Variants in DLG2 observed in about 807,000 individuals in gnomAD.
DLG2 encodes disks large homolog 2.
In DLG2, 45 loss-of-function variants were observed where a neutral mutation model predicts 132.5. The ratio of observed to expected loss-of-function variants is 0.34; its 90% CI spans 0.27 to 0.44. The LOEUF (loss-of-function observed/expected upper bound fraction) is 0.44, where lower values mean the gene tolerates loss of function less well. Ranked by LOEUF, DLG2 falls within the 20% of genes least tolerant of loss-of-function variation. The probability of loss-of-function intolerance (pLI) is 1.00; values close to 1 mark genes in which losing one functional copy is unlikely to be tolerated. For missense variants in DLG2, 1,045 were observed against 1,196.9 expected (o/e 0.87, Z 1.87); for synonymous variants, 424 against 419.6 (o/e 1.01, Z -0.13).
At chr11:83,949,753 G>T (rs12288383) in intron 14 of DLG2, among the ~76,000 whole-genome samples, 15,338 of 152,004 alleles carry the variant, frequency 0.1, 852 homozygotes, top group Non-Finnish European at 0.12. Flanking sequence ...TTTCCCCCTT[G>T]ACATGTGCCT....
chr11:83,617,706 A>G (rs1030178519), intron 19 of DLG2, among the ~76,000 whole-genome samples: 1 of 152,098 alleles, frequency 6.6e-6, no homozygotes, highest in African/African-American at 2.4e-5. Flanking sequence ...AGCTTCCAAA[A>G]TTTCATTACT....
At chr11:83,994,472 G>C (rs1545864) in intron 11 of DLG2, among the ~76,000 whole-genome samples, 98,540 of 151,944 alleles carry the variant, frequency 0.65, 35,245 homozygotes, top group Non-Finnish European at 0.81. Flanking sequence ...GAGGTGAAGG[G>C]ATTCCCCCAA....
chr11:85,076,572 G>C (rs543751876), intron 6 of DLG2, among the ~76,000 whole-genome samples: 1 of 151,900 alleles, frequency 6.6e-6, no homozygotes, highest in African/African-American at 2.4e-5. Context: ...CTGCCTTGAA[G>C]CATCAGCTTC....
chr11:85,236,331 A>T (rs146834040), intron 4 of DLG2, among the ~76,000 whole-genome samples: 63 of 152,136 alleles, frequency 4.1e-4, no homozygotes, highest in African/African-American at 1.5e-3. Context: ...ATTCTCTCAC[A>T]GTTCTGGAAG....
intron 6 of DLG2, among the ~76,000 whole-genome samples, chr11:85,058,559 A>G (rs2063701270): frequency 1.3e-5 from 2 of 151,552 alleles, no homozygotes; most frequent in African/African-American, 4.8e-5. Flanking sequence ...GTATATGGAA[A>G]TGCAAATATA....
intron 19 of DLG2, among the ~76,000 whole-genome samples, chr11:83,556,444 C>T (rs930182935): frequency 8.6e-5 from 13 of 151,342 alleles, no homozygotes; most frequent in Admixed American, 3.3e-4. Flanking sequence ...GCGATCGTGA[C>T]TCACTGCAAC....
intron 7 of DLG2, among the ~76,000 whole-genome samples, chr11:84,504,774 C>T (rs979753758): frequency 2.0e-5 from 3 of 152,022 alleles, no homozygotes; most frequent in African/African-American, 7.2e-5. Context: ...GACAGTTTGA[C>T]CTTTAGCTGA....
intron 6 of DLG2, among the ~76,000 whole-genome samples, chr11:84,952,311 C>T (rs2154103483): frequency 6.6e-6 from 1 of 152,032 alleles, no homozygotes; most frequent in Non-Finnish European, 1.5e-5. Flanking sequence ...TTTGGGAGGC[C>T]GAGGTCAGGA....
At chr11:84,590,751 A>G (rs1397809205) in intron 6 of DLG2, among the ~76,000 whole-genome samples, 2 of 152,160 alleles carry the variant, frequency 1.3e-5, no homozygotes, top group East Asian at 3.9e-4. Context: ...GCTCTGGACT[A>G]TATAGCTGTG....
chr11:83,883,313 C>A (rs1164746066), intron 15 of DLG2, among the ~76,000 whole-genome samples: 2 of 152,094 alleles, frequency 1.3e-5, no homozygotes, highest in African/African-American at 4.8e-5. Flanking sequence ...ATTTGGCATA[C>A]CGAATTGACT....
At chr11:84,438,493 A>AC (rs1555579593) in intron 7 of DLG2, among the ~76,000 whole-genome samples, 4 of 151,918 alleles carry the variant, frequency 2.6e-5, no homozygotes, top group African/African-American at 9.7e-5. Flanking sequence ...AAATAAAAAA[A>AC]CCCAGGTTTT....
chr11:84,895,610 A>G (rs2090084557), intron 6 of DLG2, among the ~76,000 whole-genome samples: 1 of 152,212 alleles, frequency 6.6e-6, no homozygotes, highest in Non-Finnish European at 1.5e-5. Flanking sequence ...GAAGCACACC[A>G]GTACCAAATT....
At chr11:84,402,329 CAAGTTCAAGGTCATTGAATGGTTAAG>C (rs912880152) in intron 7 of DLG2, among the ~76,000 whole-genome samples, 1 of 152,114 alleles carries the variant, frequency 6.6e-6, no homozygotes, top group African/African-American at 2.4e-5. Flanking sequence ...TGTTAAAGAA[CAAGTTCAAGGTCATTGAATGGTTAAG>C]ATCTGGAGTC....
intron 7 of DLG2, among the ~76,000 whole-genome samples, chr11:84,508,259 C>A (rs2099247382): frequency 6.6e-6 from 1 of 152,072 alleles, no homozygotes; most frequent in Non-Finnish European, 1.5e-5. Context: ...TTTGCTGTTT[C>A]TTGAACATAA....
At chr11:84,493,472 G>T (rs1424843047) in intron 7 of DLG2, among the ~76,000 whole-genome samples, 1 of 151,932 alleles carries the variant, frequency 6.6e-6, no homozygotes, top group Non-Finnish European at 1.5e-5. Flanking sequence ...ACCAGCCCCT[G>T]CCTGAATCAT....
intron 4 of DLG2, among the ~76,000 whole-genome samples, chr11:85,174,329 A>T (rs2079073659): frequency 6.6e-6 from 1 of 152,158 alleles, no homozygotes; most frequent in Non-Finnish European, 1.5e-5. Flanking sequence ...ATTTAAAACC[A>T]CACGACTACA....
At chr11:84,711,009 G>GATATATATATATATATATATATATAGAT (rs367922564) in intron 6 of DLG2, among the ~76,000 whole-genome samples, 4 of 89,094 alleles carry the variant, frequency 4.5e-5, no homozygotes, top group Non-Finnish European at 7.1e-5. Context: ...TATATATATA[G>GATATATATATATATATATATATATAGAT]ATATATATAT....
intron 6 of DLG2, among the ~76,000 whole-genome samples, chr11:85,019,577 G>A (rs992128262): frequency 6.6e-6 from 1 of 151,902 alleles, no homozygotes; most frequent in African/African-American, 2.4e-5. Context: ...CCACTAACTC[G>A]TCATTTACAT....
Position 85,489,002 on chromosome 11 carries a change from G to A in DLG2, c.40+109655C>T, listed in dbSNP as rs536094683. 3.3e-5 allele frequency among the ~76,000 whole-genome samples: 5 copies of A among 151,502 alleles called. No individual in the cohort carries two copies. In the East Asian group the frequency reaches 7.8e-4, roughly 24 times the overall value. On this transcript the variant is annotated intron_variant, in intron 3 of 27. Coordinates refer to ENST00000376104, the MANE Select transcript of DLG2 (RefSeq NM_001142699.3). ...AGAATTCTACCAAACCACAATGACA[G>A]GGAAAAAGAAATAAATAATTTAGAA...
Sources: gnomAD v4.1 joint callset for allele counts (sites outside exome capture counted in the v4.1 genomes callset) on GRCh38, gnomAD v4.1.1 for gene constraint, MANE v1.5 for transcripts, NCBI Gene and HGNC (gene_info 2026-07-23, HGNC 2026-07-21) for gene names.